CRADD: variants seen among roughly 807,000 people sequenced by gnomAD.
The protein encoded by CRADD is CARD and death domain containing adaptor protein, also known as death domain-containing protein CRADD.
A neutral mutation model predicts 15.5 loss-of-function variants in CRADD; 9 were observed. The observed-to-expected ratio is 0.58, with a 90% CI of 0.35 to 1.01. CRADD has a LOEUF of 1.01. Among genes scored for constraint, CRADD ranks in the 50% least tolerant of loss-of-function variants. The pLI, the probability that CRADD is intolerant of heterozygous loss-of-function variation, is 0.02. For synonymous variants in CRADD, 118 were observed against 107.6 expected, an observed-to-expected ratio of 1.10 and a Z score of -0.60; for missense variants, 227 against 250.3, an observed-to-expected ratio of 0.91 and a Z score of 0.63.
intron 2 of CRADD, among the ~76,000 whole-genome samples, chr12:93,703,314 C>G (rs1325466260): frequency 6.6e-6 from 1 of 151,714 alleles, no homozygotes; most frequent in Non-Finnish European, 1.5e-5. Flanking sequence ...TGGCAGTCTC[C>G]CTTGGTTCTG....
At chr12:93,737,475 G>T (rs1275019850) in intron 2 of CRADD, among the ~76,000 whole-genome samples, 1 of 152,222 alleles carries the variant, frequency 6.6e-6, no homozygotes, top group East Asian at 1.9e-4. Flanking sequence ...GTACTAATCT[G>T]CATCTGGAGA....
At chr12:93,829,694 T>C (rs1258941431) in intron 2 of CRADD, among the ~76,000 whole-genome samples, 1 of 151,786 alleles carries the variant, frequency 6.6e-6, no homozygotes, top group African/African-American at 2.4e-5. Context: ...GGTTTTTTGT[T>C]GTTGTTGTTG....
intron 2 of CRADD, among the ~76,000 whole-genome samples, chr12:93,712,008 G>A (rs754912255): frequency 1.3e-5 from 2 of 151,814 alleles, no homozygotes; most frequent in Non-Finnish European, 2.9e-5. Context: ...TGCCCACCTC[G>A]GTCTCCCAAA....
intron 1 of CRADD, among the ~76,000 whole-genome samples, chr12:93,678,454 G>A (rs1024977730): frequency 4.6e-5 from 7 of 151,978 alleles, no homozygotes; most frequent in Admixed American, 4.6e-4. Context: ...AAAATTGCTT[G>A]TTCAGAAGGG....
At chr12:93,833,950 T>C (rs1001843897) in intron 2 of CRADD, among the ~76,000 whole-genome samples, 5 of 152,174 alleles carry the variant, frequency 3.3e-5, no homozygotes, top group Non-Finnish European at 7.4e-5. Context: ...TGTGGCTTGC[T>C]TTAGTCACAC....
intron 2 of CRADD, among the ~76,000 whole-genome samples, chr12:93,780,729 G>A (rs1376862218): frequency 6.6e-6 from 1 of 151,466 alleles, no homozygotes; most frequent in African/African-American, 2.4e-5. Flanking sequence ...ACATAAAGAC[G>A]TTCTTGATTA....
intron 2 of CRADD, among the ~76,000 whole-genome samples, chr12:93,753,022 C>T (rs987712695): frequency 2.6e-5 from 4 of 152,132 alleles, no homozygotes; most frequent in East Asian, 3.9e-4. Context: ...GACCCGCCCC[C>T]GTAATTCAAC....
chr12:93,876,616 A>T (rs1958459229), intron 2 of CRADD, among the ~76,000 whole-genome samples: 1 of 152,070 alleles, frequency 6.6e-6, no homozygotes, highest in Non-Finnish European at 1.5e-5. Context: ...ACTCTGATGC[A>T]TTCTTTAGTA....
intron 2 of CRADD, among the ~76,000 whole-genome samples, chr12:93,805,874 A>G (rs1183611297): frequency 6.6e-5 from 10 of 152,116 alleles, no homozygotes; most frequent in Non-Finnish European, 7.3e-5. Context: ...AATGCGGCAT[A>G]GAGCTCATTT....
intron 2 of CRADD, among the ~76,000 whole-genome samples, chr12:93,706,136 T>C (rs1200395144): frequency 6.6e-6 from 1 of 152,274 alleles, no homozygotes; most frequent in Non-Finnish European, 1.5e-5. Context: ...ATTGTTGTTA[T>C]TGCTAATGAA....
At chr12:93,738,310 C>T (rs1956614855) in intron 2 of CRADD, 2 of 697,710 alleles carry the variant, frequency 2.9e-6, no homozygotes, top group Non-Finnish European at 5.2e-6. Context: ...GCCCATGAGA[C>T]CTCAGGCATG....
At chr12:93,738,443 C>T in intron 2 of CRADD, 1 of 702,380 alleles carries the variant, frequency 1.4e-6, no homozygotes, top group Non-Finnish European at 2.6e-6. Context: ...AGCCTGCCCA[C>T]TCTGTTATGA....
chr12:93,796,193 C>G (rs1015032141), intron 2 of CRADD, among the ~76,000 whole-genome samples: 3 of 151,912 alleles, frequency 2.0e-5, no homozygotes, highest in African/African-American at 7.3e-5. Context: ...TTATATAAAG[C>G]TAAGCCATTG....
intron 2 of CRADD, chr12:93,714,753 G>A (rs3741675): frequency 0.53 from 81,295 of 152,000 alleles, 22,228 homozygotes; most frequent in East Asian, 0.67. Context: ...CCCCTACTGC[G>A]TCTGTCACTT....
intron 2 of CRADD, among the ~76,000 whole-genome samples, chr12:93,745,561 G>A (rs1956736320): frequency 6.6e-6 from 1 of 152,198 alleles, no homozygotes; most frequent in South Asian, 2.1e-4. Context: ...AGAGGCATAG[G>A]CAGCAGGTAT....
chr12:93,808,325 A>T (rs2137004765), intron 2 of CRADD, among the ~76,000 whole-genome samples: 1 of 152,296 alleles, frequency 6.6e-6, no homozygotes, highest in South Asian at 2.1e-4. Flanking sequence ...GAACAAAGTC[A>T]TGTTTTAATT....
intron 2 of CRADD, among the ~76,000 whole-genome samples, chr12:93,794,435 A>G (rs1248739819): frequency 6.6e-6 from 1 of 152,112 alleles, no homozygotes; most frequent in Non-Finnish European, 1.5e-5. Context: ...ACACTGTTAT[A>G]TATCTGGCTG....
intron 2 of CRADD, among the ~76,000 whole-genome samples, chr12:93,745,712 A>G (rs909748225): frequency 3.3e-5 from 5 of 152,210 alleles, no homozygotes; most frequent in African/African-American, 9.6e-5. Flanking sequence ...ATTTGTGACT[A>G]TTTTCATATA....
chr12:93,869,585 C>A (rs78151347), intron 2 of CRADD, among the ~76,000 whole-genome samples: 9,906 of 151,844 alleles, frequency 0.065, 399 homozygotes, highest in Admixed American at 0.11. Context: ...TGAAAAAGAA[C>A]CAAATGGAAA....
Sources: allele counts gnomAD v4.1 joint callset (sites outside exome capture counted in the v4.1 genomes callset), GRCh38; gene constraint gnomAD v4.1.1; transcripts MANE v1.5; gene names NCBI Gene and HGNC (gene_info 2026-07-23, HGNC 2026-07-21).